The following LRP2 variants were observed in gnomAD, a reference collection of about 807,000 sequenced individuals.
LRP2 encodes LDL receptor related protein 2, also known as low-density lipoprotein receptor-related protein 2.
A neutral mutation model predicts 531.0 loss-of-function variants in LRP2; 172 were observed. The ratio of observed to expected loss-of-function variants is 0.32; its 90% CI spans 0.29 to 0.37. The LOEUF (loss-of-function observed/expected upper bound fraction) is 0.37, where lower values mean the gene tolerates loss of function less well. Ranked by LOEUF, LRP2 falls within the 10% of genes least tolerant of loss-of-function variation. The pLI is 1.00. For synonymous variants in LRP2, 1,992 were observed against 2,027.6 expected, an observed-to-expected ratio of 0.98 and a Z score of 0.47; for missense variants, 5,167 against 5,868.3, an observed-to-expected ratio of 0.88 and a Z score of 3.90.
chr2:169,152,937 T>G lies in LRP2; in HGVS notation c.12323A>C (p.Glu4108Ala). The G allele has an allele frequency of 6.2e-7, 1 of 1,613,882 alleles. No individual in the cohort carries two copies. The highest frequency in any genetic ancestry group is 8.5e-7 in the Non-Finnish European group (1 of 1,179,916). Reference protein sequence around the residue: ...LSVVYYTVRGEGSRFGAIKRA... With the variant: ...LSVVYYTVRGAGSRFGAIKRA... ...TTTGATAGCACCAAACCTAGAGCCC[T>G]CCCCTCGCACAGTGTAATACACAAC... is the stretch of plus-strand genomic sequence containing the variant. The change falls in exon 67 of 79, where the codon GAG (glutamate) becomes GCG (alanine). Residue 4108 changes from glutamate to alanine, a missense_variant. Physicochemically the swap from Glu to Ala is moderately radical, Grantham distance 107. Coordinates refer to ENST00000649046, the MANE Select transcript of LRP2 (RefSeq NM_004525.3).
intron 45 of LRP2, 112 bp from the exon 46 acceptor site, chr2:169,197,142 A>G: frequency 7.7e-7 from 1 of 1,306,762 alleles, no homozygotes; most frequent in Admixed American, 1.9e-5. Context: ...AAAAAGGAAG[A>G]CTGAGCCTGG....
chr2:169,138,465 T>G, intron 75 of LRP2, 112 bp downstream of exon 75: 1 of 1,182,274 alleles, frequency 8.5e-7, no homozygotes, highest in Non-Finnish European at 1.2e-6. Context: ...GACCTTATTC[T>G]GAGAGGCCTA....
chr2:169,128,588 A>T lies in LRP2; in HGVS notation c.*75T>A. The T allele has an allele frequency of 6.9e-7, 1 of 1,440,986 alleles. No individual in the cohort carries two copies. Among genetic ancestry groups the T allele is most frequent in the Non-Finnish European group, 9.8e-7 (1 of 1,024,408 alleles). The allele number at this position is 1,440,986 out of a possible 1,614,324, so 89.3% of individuals were successfully genotyped here. A position where few individuals can be genotyped will look rare whatever the true frequency, so the allele number is the denominator to read the frequency against. ...TTTTTTTCATAAAGTACTGAATGTTAACTTTTTTCATCTGTTTGTAAAAAA... is the reference window on the plus strand; with the variant it reads ...TTTTTTTCATAAAGTACTGAATGTTTACTTTTTTCATCTGTTTGTAAAAAA... On this transcript the variant is annotated 3_prime_UTR_variant, in exon 79 of 79. Coordinates refer to ENST00000649046, the MANE Select transcript of LRP2 (RefSeq NM_004525.3).
chr2:169,156,398 A>G lies in LRP2; in HGVS notation c.12027T>C (p.Asn4009=), dbSNP rs756382544. The G allele has an allele frequency of 2.5e-6, 4 of 1,613,346 alleles. No individual in the cohort carries two copies. The highest frequency in any genetic ancestry group is 1.3e-5 in the African/African-American group (1 of 74,886). ...GACAAGTCCCAAATTGTTCACATTC[A>G]TTGATATCTGTAGGCAAAATAAAAC... The part of the protein sequence containing the change: ...VFDRTSCLDI[N]ECEQFGTCPQ... Residue 4009 remains asparagine (N), a synonymous_variant, in exon 65 of 79, where the codon AAT becomes AAC. Coordinates refer to ENST00000649046, the MANE Select transcript of LRP2 (RefSeq NM_004525.3).
At position 169,128,665 on chromosome 2, in the gene LRP2, A is replaced by G. The variant is rs755441660; in HGVS notation, c.13966T>C (p.Ter4656GlnextTer8). ...TATTCCCTAAATAGCTGGTATAGCTATACTTCAGAGTCTTCTTTAACAAGA... is the reference window on the plus strand; with the variant it reads ...TATTCCCTAAATAGCTGGTATAGCTGTACTTCAGAGTCTTCTTTAACAAGA... ...ANLVKEDSEV[*>Q] is the part of the protein sequence containing the mutation. Residue 4656 changes from the stop codon to glutamine, a stop_lost, in exon 79 of 79, where the codon TAG becomes CAG. Transcript: ENST00000649046. 1.2e-6 allele frequency: 2 copies of G among 1,613,768 alleles called. No individual in the cohort carries two copies. Among genetic ancestry groups the G allele is most frequent in the African/African-American group, 1.3e-5 (1 of 74,918 alleles).
At position 169,178,001 on chromosome 2, in the gene LRP2, G is replaced by T. The variant is rs80338752; in HGVS notation, c.10195C>A (p.Arg3399=). The T allele has an allele frequency of 6.2e-7, 1 of 1,613,822 alleles. No homozygotes were observed. The highest frequency in any genetic ancestry group is 2.2e-5 in the East Asian group (1 of 44,880). Residue 3399 remains arginine, a synonymous_variant, in exon 53 of 79, where the codon CGA becomes AGA. Coordinates refer to ENST00000649046, the MANE Select transcript of LRP2 (RefSeq NM_004525.3). Reference sequence around the variant, plus strand: ...AGTGCCCCATCATACACCGTGTGTCGATGGTGGCCCTCCAAATCAGAGTAC... The same window carrying T: ...AGTGCCCCATCATACACCGTGTGTCTATGGTGGCCCTCCAAATCAGAGTAC... The part of the protein sequence containing the change: ...IEYSDLEGHH[R]HTVYDGALPH...
At chr2:169,265,258 T>C (rs896596711) in intron 16 of LRP2, among the ~76,000 whole-genome samples, 1 of 152,030 alleles carries the variant, frequency 6.6e-6, no homozygotes, top group African/African-American at 2.4e-5. Flanking sequence ...AAGGAGAAAT[T>C]GACCATCTCC....
chr2:169,238,987 C>T (rs923822758), intron 26 of LRP2, among the ~76,000 whole-genome samples: 1 of 152,210 alleles, frequency 6.6e-6, no homozygotes, highest in Non-Finnish European at 1.5e-5. Flanking sequence ...AGCATTGGAA[C>T]CCTTGATGTA....
At chr2:169,221,010 A>C (rs1688972861) in intron 33 of LRP2, among the ~76,000 whole-genome samples, 2 of 152,148 alleles carry the variant, frequency 1.3e-5, no homozygotes, top group Non-Finnish European at 2.9e-5. Flanking sequence ...AAAATAGTCC[A>C]AATTTACTCA....
chr2:169,175,761 C>A (rs1687169347), intron 54 of LRP2, among the ~76,000 whole-genome samples: 2 of 152,092 alleles, frequency 1.3e-5, no homozygotes, highest in African/African-American at 4.8e-5. Context: ...AGTTGGAGGG[C>A]AATAAAAACT....
At chr2:169,295,820 A>T (rs1684121907) in intron 4 of LRP2, among the ~76,000 whole-genome samples, 1 of 116,056 alleles carries the variant, frequency 8.6e-6, no homozygotes, top group Non-Finnish European at 1.9e-5. Context: ...ATGGCCTTTG[A>T]ATACCCTCCT....
At chr2:169,324,628 G>C (rs1684995801) in intron 1 of LRP2, among the ~76,000 whole-genome samples, 1 of 121,890 alleles carries the variant, frequency 8.2e-6, no homozygotes, top group South Asian at 2.4e-4. Context: ...CCAAAGCTAG[G>C]GGAAAAAAAA....
In LRP2 at chr2:169,188,204, A is replaced by C; in HGVS notation, c.9094T>G (p.Cys3032Gly). The C allele has an allele frequency of 1.2e-6, 2 of 1,614,106 alleles. No homozygotes were observed. Among genetic ancestry groups the C allele is most frequent in the Non-Finnish European group, 8.5e-7 (1 of 1,180,014 alleles). ...TGACAGGTAAACTGATTCTGTTGGC[A>C]AGTCTGGTATAAGCAGCCCCTCTCG... ...SDERGCLYQTCQQNQFTCQNG... is the reference protein window; with the variant it reads ...SDERGCLYQTGQQNQFTCQNG... The change falls in exon 49 of 79, where the codon TGC (cysteine) becomes GGC (glycine). Residue 3032 changes from cysteine (C) to glycine (G), a missense_variant. Physicochemically the swap from Cys to Gly is radical, Grantham distance 159. Around this residue, in one of 6 missense-constraint regions of LRP2, gnomAD observed 1,129 missense variants for 1,362.7 expected, o/e 0.83. Transcript: ENST00000649046.
At position 169,238,199 on chromosome 2, in the gene LRP2, A is replaced by T. The variant is rs1157087473; in HGVS notation, c.4398T>A (p.Ser1466=). ...AATCAAAATCAACAGCTACAATGTAAGAACCATTCTCGACCAATGAATAGA... is the reference window on the plus strand; with the variant it reads ...AATCAAAATCAACAGCTACAATGTATGAACCATTCTCGACCAATGAATAGA... ...HNIYSLVENG[S]YIVAVDFDSI... The change falls in exon 27 of 79, where the codon TCT becomes TCA. Residue 1466 remains serine (S), a synonymous_variant. Transcript: ENST00000649046. The T allele has an allele frequency of 2.5e-6, 4 of 1,614,188 alleles. No homozygotes were observed. In the Admixed American group the frequency reaches 6.7e-5, roughly 27 times the overall value.
At chr2:169,274,350 G>A (rs369293704) in intron 14 of LRP2, among the ~76,000 whole-genome samples, 2 of 152,096 alleles carry the variant, frequency 1.3e-5, no homozygotes, top group East Asian at 1.9e-4. Context: ...TTGGGAAGCC[G>A]GGGCAGGAGG....
At chr2:169,175,491 G>C in intron 54 of LRP2, 102 bp from the exon 55 acceptor site, 1 of 1,041,666 alleles carries the variant, frequency 9.6e-7, no homozygotes, top group Non-Finnish European at 1.5e-6. Context: ...ACATGCATGA[G>C]CTCTCTCGTG....
chr2:169,288,225 A>T (rs1683908277), intron 9 of LRP2, among the ~76,000 whole-genome samples: 1 of 152,248 alleles, frequency 6.6e-6, no homozygotes. Context: ...CTCACTGAGA[A>T]AACAAAAACT....
intron 9 of LRP2, among the ~76,000 whole-genome samples, chr2:169,285,448 T>C (rs965962051): frequency 6.6e-6 from 1 of 152,132 alleles, no homozygotes; most frequent in Non-Finnish European, 1.5e-5. Flanking sequence ...ATTGAGGGTT[T>C]TCGTGAGAGT....
At chr2:169,176,037 G>C (rs1405719966) in intron 54 of LRP2, among the ~76,000 whole-genome samples, 2 of 152,180 alleles carry the variant, frequency 1.3e-5, no homozygotes. Flanking sequence ...AGCATAGGCA[G>C]CTAAGGAGCT....
Sources: gnomAD v4.1 joint callset for allele counts (sites outside exome capture counted in the v4.1 genomes callset) on GRCh38, gnomAD v4.1.1 for gene constraint, gnomAD v4.1.1 regional missense constraint, MANE v1.5 for transcripts, NCBI Gene and HGNC (gene_info 2026-07-23, HGNC 2026-07-21) for gene names.